Variants in CEP83 observed in about 807,000 individuals in gnomAD.
The protein encoded by CEP83 is centrosomal protein 83.
CEP83 carries 70 observed loss-of-function variants against 101.9 expected under a neutral mutation model. The ratio of observed to expected loss-of-function variants is 0.69; its 90% CI spans 0.57 to 0.84. The LOEUF is 0.84. Ranked by LOEUF, CEP83 falls within the 40% of genes least tolerant of loss-of-function variation. The pLI is 0.00. For synonymous variants in CEP83, 264 were observed against 267.9 expected (o/e 0.99, Z 0.14); for missense variants, 715 against 787.2 (o/e 0.91, Z 1.10).
the CEP83 span, chr12:94,277,873 C>T: frequency 3.3e-5 from 15 of 450,680 alleles, no homozygotes; most frequent in East Asian, 2.1e-4. Flanking sequence ...GCTAGAAGGC[C>T]GGTACTGTTA....
chr12:94,449,187 AC>A (rs2067037317), intron 1 of CEP83, among the ~76,000 whole-genome samples: 1 of 152,178 alleles, frequency 6.6e-6, no homozygotes, highest in African/African-American at 2.4e-5. Flanking sequence ...GAAATGGACT[AC>A]ACTTCCTAGA....
intron 2 of CEP83, among the ~76,000 whole-genome samples, chr12:94,415,556 T>C (rs1440230552): frequency 1.3e-5 from 2 of 151,918 alleles, no homozygotes; most frequent in African/African-American, 4.8e-5. Context: ...AATGAAAAAA[T>C]AATAAAAGTA....
At chr12:94,426,227 G>A (rs1206237378) in intron 2 of CEP83, among the ~76,000 whole-genome samples, 2 of 151,882 alleles carry the variant, frequency 1.3e-5, no homozygotes, top group African/African-American at 4.8e-5. Flanking sequence ...CCATGGCTTT[G>A]TAAATGCTAA....
chr12:94,452,438 C>A lies in CEP83; in HGVS notation c.-155+7119G>T, dbSNP rs532437770. On this transcript the variant is annotated intron_variant, in intron 1 of 16. Transcript: ENST00000397809. ...TTGTTGATAGTTGTAGTAATCAAGGCTGAGTTCAAAGGATGACCAAGCAAA... is the reference window on the plus strand; with the variant it reads ...TTGTTGATAGTTGTAGTAATCAAGGATGAGTTCAAAGGATGACCAAGCAAA... Among the ~76,000 whole-genome samples the A allele has an allele frequency of 2.0e-3, 303 of 152,170 alleles. 2 individuals are homozygous for A. Among genetic ancestry groups the A allele is most frequent in the African/African-American group, 6.9e-3 (286 of 41,514 alleles).
intron 6 of CEP83, among the ~76,000 whole-genome samples, chr12:94,380,236 C>T (rs2061772540): frequency 6.6e-6 from 1 of 152,136 alleles, no homozygotes; most frequent in African/African-American, 2.4e-5. Flanking sequence ...TTCTCCACAC[C>T]TGTAAAATGG....
the CEP83 span, chr12:94,282,324 G>T: frequency 6.2e-7 from 1 of 1,613,938 alleles, no homozygotes; most frequent in African/African-American, 1.3e-5. Context: ...ACGACAGAAA[G>T]AACTTCTGGA....
intron 11 of CEP83, among the ~76,000 whole-genome samples, chr12:94,362,663 A>G (rs955643665): frequency 7.2e-5 from 11 of 152,190 alleles, no homozygotes; most frequent in Non-Finnish European, 1.5e-4. Flanking sequence ...GAACTACCAC[A>G]GGACCCAGAA....
chr12:94,459,291 T>C (rs568886459), intron 1 of CEP83, among the ~76,000 whole-genome samples: 1 of 152,302 alleles, frequency 6.6e-6, no homozygotes, highest in Admixed American at 6.5e-5. Flanking sequence ...AGGAAAATGG[T>C]AGCATAGCTT....
chr12:94,434,907 G>T (rs2065887259), intron 2 of CEP83, among the ~76,000 whole-genome samples: 1 of 152,164 alleles, frequency 6.6e-6, no homozygotes, highest in Non-Finnish European at 1.5e-5. Flanking sequence ...TGTCATGTTG[G>T]TGTTCAAAAA....
intron 2 of CEP83, among the ~76,000 whole-genome samples, chr12:94,416,724 C>A (rs2064302956): frequency 6.6e-6 from 1 of 152,030 alleles, no homozygotes. Flanking sequence ...GCTTCCTGAA[C>A]CGTAATAAAG....
intron 7 of CEP83, among the ~76,000 whole-genome samples, chr12:94,378,009 A>G (rs2061640434): frequency 6.6e-6 from 1 of 151,926 alleles, no homozygotes; most frequent in South Asian, 2.1e-4. Context: ...AAAAAAAATC[A>G]CCATCTTGGA....
At chr12:94,424,726 C>G in intron 2 of CEP83, 9 of 1,609,678 alleles carry the variant, frequency 5.6e-6, no homozygotes, top group Non-Finnish European at 7.7e-6. Flanking sequence ...TGGAAACAAT[C>G]TTGCCATATG....
At chr12:94,412,190 T>TA in intron 3 of CEP83, 128 bp downstream of exon 3, 1 of 684,128 alleles carries the variant, frequency 1.5e-6, no homozygotes, top group Non-Finnish European at 2.3e-6. Flanking sequence ...TTTACTATAT[T>TA]AAAAAAGTTT....
intron 1 of CEP83, among the ~76,000 whole-genome samples, chr12:94,442,944 C>A (rs943815946): frequency 6.6e-6 from 1 of 152,176 alleles, no homozygotes. Flanking sequence ...AAATATTTTA[C>A]ACTTAACAGA....
chr12:94,271,509 T>C, the CEP83 span, among the ~76,000 whole-genome samples: 1 of 152,224 alleles, frequency 6.6e-6, no homozygotes, highest in Non-Finnish European at 1.5e-5. Flanking sequence ...TGCAGTTACA[T>C]GTTCCCAGGC....
At chr12:94,449,023 G>GA (rs34981223) in intron 1 of CEP83, among the ~76,000 whole-genome samples, 64,192 of 119,736 alleles carry the variant, frequency 0.54, 15,293 homozygotes, top group African/African-American at 0.57. Context: ...CAACAAAATC[G>GA]AAAAAAAAAA....
At chr12:94,338,796 T>A (rs1278206409) in intron 11 of CEP83, among the ~76,000 whole-genome samples, 1 of 152,094 alleles carries the variant, frequency 6.6e-6, no homozygotes, top group African/African-American at 2.4e-5. Context: ...GAGGGCCAAG[T>A]TACAACAGAA....
At chr12:94,324,582 C>T (rs1412986212) in intron 14 of CEP83, among the ~76,000 whole-genome samples, 5 of 152,092 alleles carry the variant, frequency 3.3e-5, no homozygotes, top group Admixed American at 1.3e-4. Context: ...TTATCAATTT[C>T]GTAATCTTTT....
chr12:94,455,004 T>C (rs1043069312), intron 1 of CEP83, among the ~76,000 whole-genome samples: 5 of 151,506 alleles, frequency 3.3e-5, no homozygotes, highest in Non-Finnish European at 7.4e-5. Context: ...TCCGGACACA[T>C]CTGAACATCT....
Sources: allele counts gnomAD v4.1 joint callset (sites outside exome capture counted in the v4.1 genomes callset), GRCh38; gene constraint gnomAD v4.1.1; transcripts MANE v1.5; gene names NCBI Gene and HGNC (gene_info 2026-07-23, HGNC 2026-07-21).